SRGAP1: variants seen among roughly 807,000 people sequenced by gnomAD.
SRGAP1 encodes SLIT-ROBO Rho GTPase activating protein 1.
In SRGAP1, 43 loss-of-function variants were observed where a neutral mutation model predicts 121.9. That is an observed-to-expected ratio of 0.35 (90% CI 0.28 to 0.46). The LOEUF is 0.46. Among genes scored for constraint, SRGAP1 ranks in the 20% least tolerant of loss-of-function variants. The pLI, the probability that SRGAP1 is intolerant of heterozygous loss-of-function variation, is 1.00. For missense variants in SRGAP1, 1,102 were observed against 1,350.9 expected (o/e 0.82, Z 2.89); for synonymous variants, 447 against 485.4 (o/e 0.92, Z 1.04).
At chr12:64,069,465 G>T (rs1431995984) in intron 8 of SRGAP1, among the ~76,000 whole-genome samples, 1 of 152,104 alleles carries the variant, frequency 6.6e-6, no homozygotes. Flanking sequence ...CTGCAAACTT[G>T]CACCCTTGGT....
intron 1 of SRGAP1, among the ~76,000 whole-genome samples, chr12:63,854,154 A>G (rs1267184625): frequency 6.6e-6 from 1 of 152,162 alleles, no homozygotes; most frequent in Non-Finnish European, 1.5e-5. Flanking sequence ...AGAAACCCCC[A>G]TGGAATGTCC....
At chr12:64,008,512 A>G (rs1393566637) in intron 3 of SRGAP1, among the ~76,000 whole-genome samples, 1 of 152,156 alleles carries the variant, frequency 6.6e-6, no homozygotes, top group Non-Finnish European at 1.5e-5. Flanking sequence ...ATTTTTAAAG[A>G]TCAATTACTT....
intron 1 of SRGAP1, among the ~76,000 whole-genome samples, chr12:63,946,105 A>G (rs1383052699): frequency 1.3e-5 from 2 of 152,178 alleles, no homozygotes; most frequent in African/African-American, 2.4e-5. Context: ...AACTGAAAAT[A>G]TCTCCTCAGT....
chr12:64,084,881 T>C (rs2035911044), intron 10 of SRGAP1, among the ~76,000 whole-genome samples: 2 of 152,082 alleles, frequency 1.3e-5, no homozygotes, highest in Non-Finnish European at 2.9e-5. Flanking sequence ...TTATAGATAT[T>C]AATTTAATAA....
chr12:64,062,406 T>C (rs1207613181), intron 6 of SRGAP1, among the ~76,000 whole-genome samples: 1 of 152,262 alleles, frequency 6.6e-6, no homozygotes, highest in Non-Finnish European at 1.5e-5. Context: ...TATTATTGAG[T>C]TGTAAGAGTT....
At chr12:64,027,613 C>T (rs2034682262) in intron 4 of SRGAP1, among the ~76,000 whole-genome samples, 1 of 152,050 alleles carries the variant, frequency 6.6e-6, no homozygotes, top group African/African-American at 2.4e-5. Flanking sequence ...GAGAGAAAAT[C>T]AGAAGTTGAA....
At chr12:63,882,395 C>T (rs949237816) in intron 1 of SRGAP1, among the ~76,000 whole-genome samples, 1 of 152,090 alleles carries the variant, frequency 6.6e-6, no homozygotes, top group South Asian at 2.1e-4. Context: ...AATTCTCCTG[C>T]CTCAGCCTCC....
intron 1 of SRGAP1, among the ~76,000 whole-genome samples, chr12:63,886,890 T>C (rs548045044): frequency 3.1e-4 from 47 of 152,166 alleles, no homozygotes; most frequent in Non-Finnish European, 4.7e-4. Context: ...GTTTTTGTTT[T>C]TGAGATGGAG....
At position 64,069,679 on chromosome 12, in the gene SRGAP1, T is replaced by C. The variant is rs112976144; in HGVS notation, c.1125+4460T>C. Among the ~76,000 whole-genome samples, 372 of 152,300 alleles carry C rather than the reference T, an allele frequency of 2.4e-3. 1 individual carries two copies. The highest frequency in any genetic ancestry group is 8.4e-3 in the African/African-American group (349 of 41,570). On this transcript the variant is annotated intron_variant, in intron 8 of 21. Coordinates refer to ENST00000355086, the MANE Select transcript of SRGAP1 (RefSeq NM_020762.4). ...AACATTACTTTTGTTTTTGTTTTGT[T>C]TGAGACAGGGTCCCGCTCTGTCATC...
rs2037050798 is a variant in SRGAP1 at position 64,146,330 on chromosome 12, C to CA, written c.*3661dup. ...TCAGTGGATATAGTGCTCCAAGAGT[C>CA]AAATTGTATCCGTTAAGGGTTTTCT... is the stretch of plus-strand genomic sequence containing the variant. On this transcript the variant is annotated 3_prime_UTR_variant, in exon 22 of 22. Coordinates refer to ENST00000355086, the MANE Select transcript of SRGAP1 (RefSeq NM_020762.4). The CA allele has an allele frequency of 6.6e-6, 1 of 152,062 alleles. No individual in the cohort carries two copies. Among genetic ancestry groups the CA allele is most frequent in the Non-Finnish European group, 1.5e-5 (1 of 68,004 alleles). 9.4% of individuals were successfully genotyped at this position (152,062 alleles called of 1,614,324 possible).
intron 6 of SRGAP1, among the ~76,000 whole-genome samples, chr12:64,054,667 A>G (rs1019735986): frequency 6.6e-6 from 1 of 152,154 alleles, no homozygotes; most frequent in Non-Finnish European, 1.5e-5. Flanking sequence ...TAGAAAGGGT[A>G]TTTAAAAACT....
chr12:63,958,345 C>A (rs565248294), intron 1 of SRGAP1, among the ~76,000 whole-genome samples: 3 of 152,274 alleles, frequency 2.0e-5, no homozygotes, highest in Non-Finnish European at 4.4e-5. Context: ...TCGGTTTACT[C>A]CCTGTCCCTC....
Position 63,899,962 on chromosome 12 carries a change from CAT to C in SRGAP1, c.67+55080_67+55081del, listed in dbSNP as rs201025477. Among the ~76,000 whole-genome samples the C allele has an allele frequency of 8.9e-4, 135 of 152,252 alleles. 1 individual carries two copies. The East Asian group carries it at 0.025, about 28-fold the overall frequency. Reference sequence around the variant, plus strand: ...GAGGCACTGAACTCGATGCAGAAGGCATGTTACTGTCAAAAAACTTTCTAGAA... The same window carrying C: ...GAGGCACTGAACTCGATGCAGAAGGCGTTACTGTCAAAAAACTTTCTAGAA... On this transcript the variant is annotated intron_variant, in intron 1 of 21. Coordinates refer to ENST00000355086, the MANE Select transcript of SRGAP1 (RefSeq NM_020762.4).
chr12:64,073,776 A>T (rs1180052832), intron 8 of SRGAP1, among the ~76,000 whole-genome samples: 4 of 150,626 alleles, frequency 2.7e-5, no homozygotes, highest in Non-Finnish European at 2.9e-5. Flanking sequence ...TACAGAATCC[A>T]TAAAAAAAAA....
chr12:63,880,283 G>C (rs1286431229), intron 1 of SRGAP1, among the ~76,000 whole-genome samples: 1 of 152,090 alleles, frequency 6.6e-6, no homozygotes, highest in Non-Finnish European at 1.5e-5. Flanking sequence ...CCAGGCTGGA[G>C]CGTAGTGGAG....
At chr12:63,920,482 A>G (rs2030998051) in intron 1 of SRGAP1, among the ~76,000 whole-genome samples, 1 of 152,198 alleles carries the variant, frequency 6.6e-6, no homozygotes, top group Non-Finnish European at 1.5e-5. Flanking sequence ...ATGCCATGGT[A>G]AATACTGTAC....
intron 3 of SRGAP1, among the ~76,000 whole-genome samples, chr12:64,000,275 TAAAAA>T (rs1555163999): frequency 4.5e-5 from 6 of 133,382 alleles, no homozygotes; most frequent in African/African-American, 1.7e-4. Flanking sequence ...TGTGTGTGTG[TAAAAA>T]AAAAAAACCA....
intron 1 of SRGAP1, among the ~76,000 whole-genome samples, chr12:63,955,385 A>C (rs2136371893): frequency 6.6e-6 from 1 of 152,366 alleles, no homozygotes; most frequent in African/African-American, 2.4e-5. Context: ...ATTTTGATAT[A>C]GTTATGCATT....
At position 64,091,781 on chromosome 12, in the gene SRGAP1, T is replaced by C. The variant is rs981415307; in HGVS notation, c.1539+403T>C. The C allele has an allele frequency of 3.2e-5, 26 of 804,080 alleles. No individual in the cohort carries two copies. In the African/African-American group the frequency reaches 3.7e-4, roughly 11 times the overall value. 49.8% of individuals were successfully genotyped at this position (804,080 alleles called of 1,614,324 possible). On this transcript the variant is annotated intron_variant, in intron 12 of 21. Coordinates refer to ENST00000355086, the MANE Select transcript of SRGAP1 (RefSeq NM_020762.4). ...GCAGGAGTTTTGATTTCCCATGACT[T>C]GAGGAATTCATTATATTGAATGAAT...
Sources: allele counts gnomAD v4.1 joint callset (sites outside exome capture counted in the v4.1 genomes callset), GRCh38; gene constraint gnomAD v4.1.1; transcripts MANE v1.5; gene names NCBI Gene and HGNC (gene_info 2026-07-23, HGNC 2026-07-21).